The following PUF60 variants were observed in gnomAD, a reference collection of about 807,000 sequenced individuals.
PUF60 encodes the protein poly(U)-binding-splicing factor PUF60.
Under a neutral mutation model 61.8 loss-of-function variants are expected in PUF60, and 10 were observed. The ratio of observed to expected loss-of-function variants is 0.16; its 90% CI spans 0.10 to 0.27. PUF60 has a LOEUF of 0.27. Ranked by LOEUF, PUF60 falls within the 10% of genes least tolerant of loss-of-function variation. The probability of loss-of-function intolerance (pLI) is 1.00; values close to 1 mark genes in which losing one functional copy is unlikely to be tolerated. For missense variants in PUF60, 371 were observed against 754.0 expected, an observed-to-expected ratio of 0.49 and a Z score of 5.95; for synonymous variants, 353 against 300.9, an observed-to-expected ratio of 1.17 and a Z score of -1.79.
Position 143,817,724 on chromosome 8 carries a change from C to T in PUF60, c.876G>A (p.Leu292=). The T allele has an allele frequency of 6.2e-7, 1 of 1,612,628 alleles. No individual in the cohort carries two copies. Among genetic ancestry groups the T allele is most frequent in the Non-Finnish European group, 8.5e-7 (1 of 1,179,848 alleles). Residue 292 remains leucine, a synonymous_variant, in exon 9 of 12, where the codon CTG becomes CTA. Transcript: ENST00000526683. This position sits in a 1 kb window ranked among gnomAD's most constrained non-coding sequence, Gnocchi z 7.4. ...DAVSSMNLFD[L]GGQYLRVGKA... is the part of the protein sequence containing the mutation. ...TGCCCACCCGCAAGTACTGGCCACCCAGGTCAAAGAGGTTCATGGAAGACA... is the reference window on the plus strand; with the variant it reads ...TGCCCACCCGCAAGTACTGGCCACCTAGGTCAAAGAGGTTCATGGAAGACA...
In PUF60 at chr8:143,817,418, G is replaced by C. The variant is rs374293328; in HGVS notation, c.1057C>G (p.Leu353Val). ...AVLGTLGTPG[L>V]VSPALTLAQP... is the part of the protein sequence containing the mutation. The stretch of plus-strand genomic sequence containing the variant: ...GCCAGGGTCAGTGCTGGGGACACCA[G>C]TCCAGGTGTGCCCAGGGTACCCAGC... Residue 353 changes from leucine to valine, a missense_variant, in exon 10 of 12, where the codon CTG (leucine) becomes GTG (valine). Transcript: ENST00000526683. This position sits in a 1 kb window ranked among gnomAD's most constrained non-coding sequence, Gnocchi z 7.4. 4 of 1,604,230 alleles carry C rather than the reference G, an allele frequency of 2.5e-6. No homozygotes were observed. Among genetic ancestry groups the C allele is most frequent in the Non-Finnish European group, 3.4e-6 (4 of 1,176,880 alleles).
In PUF60 at chr8:143,816,490, C is replaced by T. The variant is rs1285965898; in HGVS notation, c.*30G>A. 6.3e-7 allele frequency: 1 copy of T among 1,580,912 alleles called. No homozygotes were observed. The highest frequency in any genetic ancestry group is 1.2e-5 in the South Asian group (1 of 85,430). ...TATAAAACCCAGAGGAAACAAGGAA[C>T]AAGTGCAAGTCCGGGGAGAGGGACC... On this transcript the variant is annotated 3_prime_UTR_variant, in exon 12 of 12. Transcript: ENST00000526683.
At position 143,824,010 on chromosome 8, in the gene PUF60, A is replaced by AGCTCCAGGCCCC. The variant is rs1205711655; in HGVS notation, c.111+291_111+302dup. On this transcript the variant is annotated intron_variant, in intron 2 of 11. Coordinates refer to ENST00000526683, the MANE Select transcript of PUF60 (RefSeq NM_078480.3). ...AGACGCTCATGCCTAAGAACGCGCG[A>AGCTCCAGGCCCC]GCTCCAGGCCCCGGCGTCCCCGCCC... Among the ~76,000 whole-genome samples the AGCTCCAGGCCCC allele has an allele frequency of 8.5e-5, 13 of 152,360 alleles. No homozygotes were observed. In the East Asian group the frequency reaches 2.5e-3, roughly 29 times the overall value.
intron 1 of PUF60, among the ~76,000 whole-genome samples, chr8:143,826,219 CTGGGG>C (rs1817619267): frequency 1.3e-5 from 2 of 152,214 alleles, no homozygotes; most frequent in Non-Finnish European, 2.9e-5. Context: ...CAGAGGGGCT[CTGGGG>C]TGCCAACTCT....
At chr8:143,821,739 C>A in intron 3 of PUF60, 53 bp from the exon 4 acceptor site, 1 of 1,544,756 alleles carries the variant, frequency 6.5e-7, no homozygotes, top group Non-Finnish European at 8.7e-7. Flanking sequence ...GGGAGACAGG[C>A]CTGCCCCGCA....
chr8:143,828,576 G>A (rs545892857), intron 1 of PUF60, among the ~76,000 whole-genome samples: 25 of 152,300 alleles, frequency 1.6e-4, no homozygotes, highest in South Asian at 1.0e-3. Flanking sequence ...TCCCTAGGGC[G>A]CCCAGCAAAT....
chr8:143,828,398 G>C (rs1273696468), intron 1 of PUF60, among the ~76,000 whole-genome samples: 1 of 152,236 alleles, frequency 6.6e-6, no homozygotes, highest in African/African-American at 2.4e-5. Context: ...GGTCCAAAAG[G>C]GGATTAGGTC....
At chr8:143,828,469 G>A (rs1348974191) in intron 1 of PUF60, among the ~76,000 whole-genome samples, 2 of 152,216 alleles carry the variant, frequency 1.3e-5, no homozygotes, top group Non-Finnish European at 2.9e-5. Context: ...TGTGTGCATG[G>A]GTGTTCTCCC....
In PUF60 at chr8:143,817,344, A is replaced by G. The variant is rs1452187887; in HGVS notation, c.1131T>C (p.Pro377=). Residue 377 remains proline (P), a synonymous_variant, in exon 10 of 12, where the codon CCT becomes CCC. Transcript: ENST00000526683. The surrounding 1 kb of genome is among the most constrained non-coding windows in gnomAD (Gnocchi z 7.4). The part of the protein sequence containing the change: ...LPQAVMAAQA[P]GVITGVTPAR... ...CTTAAGACTCACCTGTGATGACTCC[A>G]GGTGCCTGGGCAGCCATGACAGCCT... 6.3e-7 allele frequency: 1 copy of G among 1,593,482 alleles called. No homozygotes were observed. The highest frequency in any genetic ancestry group is 1.9e-5 in the Admixed American group (1 of 53,214).
chr8:143,818,141 G>A lies in PUF60; in HGVS notation c.603+52C>T, dbSNP rs759768766. Reference sequence around the variant, plus strand: ...GGCCCGGCCACAAAAGGCTTCCGTGGAGGGGCAGCCCTGCACGCCTGCGGG... The same window carrying A: ...GGCCCGGCCACAAAAGGCTTCCGTGAAGGGGCAGCCCTGCACGCCTGCGGG... On this transcript the variant is annotated intron_variant, in intron 7 of 11. Transcript: ENST00000526683. This position sits in a 1 kb window ranked among gnomAD's most constrained non-coding sequence, Gnocchi z 7.9. 6.3e-7 allele frequency: 1 copy of A among 1,599,366 alleles called. No individual in the cohort carries two copies. The highest frequency in any genetic ancestry group is 1.7e-5 in the Admixed American group (1 of 58,356).
intron 1 of PUF60, among the ~76,000 whole-genome samples, chr8:143,826,780 G>C (rs889864974): frequency 6.6e-6 from 1 of 152,182 alleles, no homozygotes; most frequent in Non-Finnish European, 1.5e-5. Flanking sequence ...AGGTCTCAAG[G>C]CTTCAGGCTC....
chr8:143,822,268 C>A (rs1415997812), intron 2 of PUF60, among the ~76,000 whole-genome samples: 1 of 152,186 alleles, frequency 6.6e-6, no homozygotes, highest in Non-Finnish European at 1.5e-5. Flanking sequence ...GGCAGGAGAG[C>A]CAGCCTCAGC....
Position 143,818,541 on chromosome 8 carries a change from C to A in PUF60, c.349-7G>T. ...GCTGCCGCTGAGCCGCCATCTGCAG[C>A]AGGACAGAGGGGAGAGAACCGCTGG... On this transcript the variant is annotated splice_polypyrimidine_tract_variant and splice_region_variant and intron_variant, in intron 5 of 11. Transcript: ENST00000526683. The surrounding 1 kb of genome is among the most constrained non-coding windows in gnomAD (Gnocchi z 7.9). 6.3e-7 allele frequency: 1 copy of A among 1,582,092 alleles called. No homozygotes were observed. The highest frequency in any genetic ancestry group is 8.6e-7 in the Non-Finnish European group (1 of 1,165,082).
intron 2 of PUF60, chr8:143,823,353 C>T (rs1817241929): frequency 6.5e-6 from 1 of 152,746 alleles, no homozygotes; most frequent in Non-Finnish European, 1.5e-5. Context: ...AAGCCCATTC[C>T]TCCTTAGTGG....
Position 143,821,754 on chromosome 8 carries a change from G to A in PUF60, c.207+64C>T, listed in dbSNP as rs1312075261. On this transcript the variant is annotated intron_variant, in intron 3 of 11. Coordinates refer to ENST00000526683, the MANE Select transcript of PUF60 (RefSeq NM_078480.3). ...GGGAGACAGGCCTGCCCCGCACCCC[G>A]CCCCTGCCCCTGCCCCCAGTTGACT... 3.7e-5 allele frequency: 31 copies of A among 827,670 alleles called. No homozygotes were observed. The East Asian group carries it at 5.6e-4, about 15-fold the overall frequency. 51.3% of individuals were successfully genotyped at this position (827,670 alleles called of 1,614,324 possible).
At position 143,817,795 on chromosome 8, in the gene PUF60, G is replaced by A; in HGVS notation, c.818-13C>T. ...GCCTTCTCGTACTCTGTGGGCAGGA[G>A]CAGCAGTGAGCAGGGCCAGCCCCAG... is the stretch of plus-strand genomic sequence containing the variant. On this transcript the variant is annotated splice_polypyrimidine_tract_variant and intron_variant, in intron 8 of 11. Transcript: ENST00000526683. This position sits in a 1 kb window ranked among gnomAD's most constrained non-coding sequence, Gnocchi z 7.4. 2 of 1,607,734 alleles carry A rather than the reference G, an allele frequency of 1.2e-6. No homozygotes were observed. The highest frequency in any genetic ancestry group is 1.7e-6 in the Non-Finnish European group (2 of 1,177,634).
At chr8:143,823,923 A>C (rs966634588) in intron 2 of PUF60, among the ~76,000 whole-genome samples, 1 of 152,256 alleles carries the variant, frequency 6.6e-6, no homozygotes, top group Admixed American at 6.5e-5. Context: ...CTGAAATGAA[A>C]TCTGTCCTTC....
chr8:143,824,574 C>T (rs189771836), intron 1 of PUF60, 175 bp from the exon 2 acceptor site: 191 of 622,328 alleles, frequency 3.1e-4, no homozygotes, highest in Non-Finnish European at 4.9e-4. Context: ...CCCATCAGCA[C>T]GCCCAGGGAC....
intron 1 of PUF60, 48 bp downstream of exon 1, chr8:143,829,232 G>A (rs1818022214): frequency 8.1e-7 from 1 of 1,240,210 alleles, no homozygotes; most frequent in Non-Finnish European, 1.0e-6. Flanking sequence ...TCGACGACCC[G>A]GCCCCGCAAG....
Sources: allele counts gnomAD v4.1 joint callset (sites outside exome capture counted in the v4.1 genomes callset), GRCh38; gene constraint gnomAD v4.1.1; non-coding constraint Gnocchi (gnomAD v3.1); transcripts MANE v1.5; gene names NCBI Gene and HGNC (gene_info 2026-07-23, HGNC 2026-07-21).